The following XPA variants were observed in gnomAD, a reference collection of about 807,000 sequenced individuals.
The protein encoded by XPA is XPA, DNA damage recognition and repair factor, also known as DNA repair protein complementing XP-A cells.
In XPA, 27 loss-of-function variants were observed where a neutral mutation model predicts 35.7. That is an observed-to-expected ratio of 0.76 (90% CI 0.56 to 1.04). XPA has a LOEUF of 1.04. XPA is among the 50% of genes least tolerant of loss of function. The probability of loss-of-function intolerance (pLI) is 0.00; values close to 1 mark genes in which losing one functional copy is unlikely to be tolerated. For missense variants in XPA, 354 were observed against 342.7 expected, an observed-to-expected ratio of 1.03 and a Z score of -0.26; for synonymous variants, 133 against 118.4, an observed-to-expected ratio of 1.12 and a Z score of -0.80.
intron 5 of XPA, among the ~76,000 whole-genome samples, chr9:97,678,827 C>T (rs1309316504): frequency 6.6e-6 from 1 of 152,152 alleles, no homozygotes; most frequent in Non-Finnish European, 1.5e-5. Context: ...CTGTCCCTAG[C>T]CTGAAATGCA....
intron 3 of XPA, 68 bp downstream of exon 3, chr9:97,689,466 T>C (rs767345608): frequency 2.6e-5 from 24 of 930,894 alleles, no homozygotes; most frequent in South Asian, 6.9e-5. Flanking sequence ...TCCAAACAGA[T>C]ATAACTTGTT....
chr9:97,687,336 A>C, intron 3 of XPA, 75 bp from the exon 4 acceptor site: 1 of 1,332,220 alleles, frequency 7.5e-7, no homozygotes, highest in Non-Finnish European at 1.0e-6. Context: ...CCAGCAACTT[A>C]GGGGCACACA....
the XPA span, chr9:97,669,013 A>C: frequency 6.5e-7 from 1 of 1,539,532 alleles, no homozygotes; most frequent in South Asian, 1.2e-5. Flanking sequence ...AAAGGAAACA[A>C]TACATTTCTT....
intron 3 of XPA, among the ~76,000 whole-genome samples, chr9:97,687,667 A>G (rs1040146190): frequency 2.0e-5 from 3 of 152,186 alleles, no homozygotes; most frequent in Non-Finnish European, 4.4e-5. Context: ...AGAAACCACT[A>G]GAAGGTTTTG....
intron 5 of XPA, among the ~76,000 whole-genome samples, chr9:97,676,996 G>T (rs1828387122): frequency 6.6e-6 from 1 of 152,078 alleles, no homozygotes; most frequent in Admixed American, 6.6e-5. Context: ...ATGCTAACCA[G>T]AACTCCACAG....
At chr9:97,676,165 G>A (rs1306860746) in intron 5 of XPA, among the ~76,000 whole-genome samples, 1 of 152,132 alleles carries the variant, frequency 6.6e-6, no homozygotes, top group Non-Finnish European at 1.5e-5. Context: ...TTAGGAGAGG[G>A]CTAAAAATAA....
At chr9:97,685,680 A>T (rs1172462178) in intron 4 of XPA, among the ~76,000 whole-genome samples, 1 of 152,222 alleles carries the variant, frequency 6.6e-6, no homozygotes, top group Non-Finnish European at 1.5e-5. Context: ...AAGGACCATA[A>T]TATTAATCAG....
At chr9:97,654,991 C>T in the XPA span, 2 of 1,393,424 alleles carry the variant, frequency 1.4e-6, no homozygotes, top group Non-Finnish European at 9.6e-7. Flanking sequence ...GCTTTTACTT[C>T]CTGTACTTCA....
At chr9:97,669,070 A>C in the XPA span, 1 of 1,340,592 alleles carries the variant, frequency 7.5e-7, no homozygotes, top group East Asian at 2.4e-5. Context: ...AAAGGAATAC[A>C]CATTCATTTA....
chr9:97,681,915 T>A (rs1203575066), intron 5 of XPA, among the ~76,000 whole-genome samples: 1 of 152,142 alleles, frequency 6.6e-6, no homozygotes, highest in Non-Finnish European at 1.5e-5. Context: ...ACTCTCCAAA[T>A]ACTCTCTATC....
chr9:97,669,344 G>A, the XPA span, among the ~76,000 whole-genome samples: 1 of 152,186 alleles, frequency 6.6e-6, no homozygotes. Context: ...TAGATTCCAG[G>A]AAGTAATATT....
the XPA span, chr9:97,669,791 A>T: frequency 3.2e-5 from 30 of 943,406 alleles, no homozygotes; most frequent in African/African-American, 4.4e-4. Flanking sequence ...CAAATTTGTT[A>T]GGAGGTTATA....
intron 5 of XPA, among the ~76,000 whole-genome samples, chr9:97,677,525 A>AT (rs1458938869): frequency 1.3e-5 from 2 of 152,078 alleles, no homozygotes; most frequent in Middle Eastern, 3.4e-3. Context: ...AAATAAATAA[A>AT]AAATTAAAAA....
chr9:97,677,947 C>T (rs1360831803), intron 5 of XPA, among the ~76,000 whole-genome samples: 2 of 152,036 alleles, frequency 1.3e-5, no homozygotes, highest in Admixed American at 6.5e-5. Context: ...CCAGGTTTCT[C>T]ATCATCCAAA....
rs1412273799 is a variant in XPA, at chr9:97,675,367, T to C, written c.*72A>G. ...AAGATGTTGCTTTTTTTTTTGAATT[T>C]TGAAAAGGACCAATCTAAATTTCCT... is the stretch of plus-strand genomic sequence containing the variant. On this transcript the variant is annotated 3_prime_UTR_variant, in exon 6 of 6. Transcript: ENST00000375128. 2.7e-6 allele frequency: 4 copies of C among 1,477,322 alleles called. No homozygotes were observed. Among genetic ancestry groups the C allele is most frequent in the Middle Eastern group, 4.9e-4 (2 of 4,104 alleles). The allele number at this position is 1,477,322 out of a possible 1,614,324, so 91.5% of individuals were successfully genotyped here. A position where few individuals can be genotyped will look rare whatever the true frequency, so the allele number is the denominator to read the frequency against.
the XPA span, among the ~76,000 whole-genome samples, chr9:97,667,154 A>AGAT: frequency 6.6e-6 from 1 of 152,142 alleles, no homozygotes; most frequent in Non-Finnish European, 1.5e-5. Context: ...ACGTTTGCAC[A>AGAT]AGGGAAGTAG....
the XPA span, chr9:97,660,906 C>T: frequency 6.4e-7 from 1 of 1,571,386 alleles, no homozygotes; most frequent in Middle Eastern, 1.7e-4. Flanking sequence ...AGTCTTGAAA[C>T]CTGATCTGTC....
chr9:97,693,584 A>G, intron 2 of XPA, 65 bp downstream of exon 2: 3 of 1,363,714 alleles, frequency 2.2e-6, no homozygotes, highest in African/African-American at 1.4e-5. Flanking sequence ...ATCACTTTGC[A>G]TAGAATTATG....
chr9:97,670,071 C>A, downstream of XPA: 1 of 344,160 alleles, frequency 2.9e-6, no homozygotes, highest in Non-Finnish European at 5.7e-6. Context: ...TACAGGCACC[C>A]GTCACTACTC....
Sources: gnomAD v4.1 joint callset for allele counts (sites outside exome capture counted in the v4.1 genomes callset) on GRCh38, gnomAD v4.1.1 for gene constraint, MANE v1.5 for transcripts, NCBI Gene and HGNC (gene_info 2026-07-23, HGNC 2026-07-21) for gene names.